GPT: variants seen among roughly 807,000 people sequenced by gnomAD.
GPT encodes the protein glutamic--pyruvic transaminase.
GPT carries 60 observed loss-of-function variants against 51.4 expected under a neutral mutation model. The ratio of observed to expected loss-of-function variants is 1.17; its 90% CI spans 0.95 to 1.45. The LOEUF (loss-of-function observed/expected upper bound fraction) is 1.45. GPT is among the 40% of genes most tolerant of loss of function. The pLI is 0.00. For missense variants in GPT, 853 were observed against 704.0 expected, an observed-to-expected ratio of 1.21 and a Z score of -2.40; for synonymous variants, 397 against 303.1, an observed-to-expected ratio of 1.31 and a Z score of -3.22.
At position 144,506,958 on chromosome 8, in the gene GPT, G is replaced by A; in HGVS notation, c.1449G>A (p.Lys483=). 8.7e-6 allele frequency: 14 copies of A among 1,612,866 alleles called. No homozygotes were observed. Among genetic ancestry groups the A allele is most frequent in the Non-Finnish European group, 1.1e-5 (13 of 1,179,980 alleles). ...PLEKLRLLLE[K]LSRFHAKFTL... ...AGAAACTGCGGCTGCTGCTGGAGAA[G>A]CTGAGCAGGTTCCATGCCAAGTTCA... The change falls in exon 11 of 11, where the codon AAG becomes AAA. Residue 483 remains lysine (K), a synonymous_variant. Coordinates refer to ENST00000394955, the MANE Select transcript of GPT (RefSeq NM_005309.3). The surrounding 1 kb of genome is among the most constrained non-coding windows in gnomAD (Gnocchi z 7.0).
chr8:144,504,170 C>T lies in GPT; in HGVS notation c.-135C>T. 1 of 919,420 alleles carries T rather than the reference C, an allele frequency of 1.1e-6. No individual in the cohort carries two copies. Among genetic ancestry groups the T allele is most frequent in the Admixed American group, 2.0e-5 (1 of 49,714 alleles). The allele number at this position is 919,420 out of a possible 1,614,324, so 57.0% of individuals were successfully genotyped here. A position where few individuals can be genotyped will look rare whatever the true frequency, so the allele number is the denominator to read the frequency against. On this transcript the variant is annotated 5_prime_UTR_variant, in exon 1 of 11. Coordinates refer to ENST00000394955, the MANE Select transcript of GPT (RefSeq NM_005309.3). ...GGCCAGCTGCGGTGAAGAGGGTGCT[C>T]TCTTGCCTGGAGTTCCCTCTGCTAC...
chr8:144,503,724 G>A (rs772512436), upstream of GPT: 13 of 153,984 alleles, frequency 8.4e-5, no homozygotes, highest in Admixed American at 3.8e-4. Context: ...AGACAGGTCC[G>A]CTGGCCCAAG....
chr8:144,504,726 C>G (rs757128853), intron 2 of GPT, 33 bp downstream of exon 2: 15 of 1,611,710 alleles, frequency 9.3e-6, no homozygotes, highest in African/African-American at 1.3e-5. Flanking sequence ...AGCACCCCCC[C>G]ACCCCCAGCC....
At chr8:144,505,694 C>T (rs1346982336) in intron 5 of GPT, among the ~76,000 whole-genome samples, 154 bp from the exon 6 acceptor site, 1 of 129,578 alleles carries the variant, frequency 7.7e-6, no homozygotes, top group Non-Finnish European at 1.6e-5. Context: ...TCCCTCCGCG[C>T]CCACGGTGCG....
chr8:144,507,113 G>GGGGGGGGGGGGGGGGGGGCC lies in GPT; in HGVS notation c.*114_*115insGGGGGGGGGGGGGGGGGCCG. 1 of 512,008 alleles carries GGGGGGGGGGGGGGGGGGGCC rather than the reference G, an allele frequency of 2.0e-6. No homozygotes were observed. The highest frequency in any genetic ancestry group is 3.8e-6 in the Non-Finnish European group (1 of 263,570). The allele number at this position is 512,008 out of a possible 1,614,324, so 31.7% of individuals were successfully genotyped here. A position where few individuals can be genotyped will look rare whatever the true frequency, so the allele number is the denominator to read the frequency against. On this transcript the variant is annotated 3_prime_UTR_variant, in exon 11 of 11. Coordinates refer to ENST00000394955, the MANE Select transcript of GPT (RefSeq NM_005309.3). Reference sequence around the variant, plus strand: ...ATGCCTGGCGGGGTGGGGTGGGGGGGGTGCTGGGCCCCTGCCTCTCTGCAG... The same window carrying GGGGGGGGGGGGGGGGGGGCC: ...ATGCCTGGCGGGGTGGGGTGGGGGGGGGGGGGGGGGGGGGGGGGCCGTGCTGGGCCCCTGCCTCTCTGCAG...
chr8:144,505,972 C>T (rs757301530), intron 6 of GPT, 23 bp from the exon 7 acceptor site: 1 of 1,612,238 alleles, frequency 6.2e-7, no homozygotes, highest in South Asian at 1.1e-5. Flanking sequence ...AGTCCGCCCC[C>T]GTGACGCCTT....
In GPT at chr8:144,506,042, C is replaced by T. The variant is rs750638175; in HGVS notation, c.867C>T (p.Phe289=). The T allele has an allele frequency of 8.7e-6, 14 of 1,612,322 alleles. No homozygotes were observed. In the South Asian group the frequency reaches 1.5e-4, roughly 18 times the overall value. The change falls in exon 7 of 11, where the codon TTC becomes TTT. Residue 289 remains phenylalanine (F), a synonymous_variant. Transcript: ENST00000394955. This position sits in a 1 kb window ranked among gnomAD's most constrained non-coding sequence, Gnocchi z 7.0. ...VYAAGSQFHS[F]KKVLMEMGPP... Reference sequence around the variant, plus strand: ...CCGCGGGTTCGCAGTTCCACTCATTCAAGAAGGTGCTCATGGAGATGGGGC... The same window carrying T: ...CCGCGGGTTCGCAGTTCCACTCATTTAAGAAGGTGCTCATGGAGATGGGGC...
chr8:144,506,675 C>A lies in GPT; in HGVS notation c.1287+19C>A, dbSNP rs748817984. ...CGCTCAGGTCAGGCGGGGGCGGGGC[C>A]TGCGGGGTGGGCAGGGGGGGCCGGG... On this transcript the variant is annotated intron_variant, in intron 9 of 10. Transcript: ENST00000394955. This position sits in a 1 kb window ranked among gnomAD's most constrained non-coding sequence, Gnocchi z 7.0. 1 of 1,100,568 alleles carries A rather than the reference C, an allele frequency of 9.1e-7. No homozygotes were observed. The highest frequency in any genetic ancestry group is 1.3e-6 in the Non-Finnish European group (1 of 786,782). 68.2% of individuals were successfully genotyped at this position (1,100,568 alleles called of 1,614,324 possible).
chr8:144,504,990 G>A lies in GPT; in HGVS notation c.362-8G>A, dbSNP rs760427070. The stretch of plus-strand genomic sequence containing the variant: ...CTGTACTTCCCATCCTGTCCTGCCC[G>A]AGTCCAGGGGCCTACAGCGTCAGCT... On this transcript the variant is annotated splice_region_variant and splice_polypyrimidine_tract_variant and intron_variant, in intron 3 of 10. Transcript: ENST00000394955. The A allele has an allele frequency of 6.2e-6, 10 of 1,612,918 alleles. No individual in the cohort carries two copies. In the East Asian group the frequency reaches 8.9e-5, roughly 14 times the overall value.
rs774169083 is a variant in GPT at position 144,505,080 on chromosome 8, T to G, written c.444T>G (p.Pro148=). The G allele has an allele frequency of 7.4e-6, 12 of 1,613,040 alleles. No homozygotes were observed. The South Asian group carries it at 1.3e-4, about 18-fold the overall frequency. Residue 148 remains proline (P), a synonymous_variant, in exon 4 of 11, where the codon CCT becomes CCG. Transcript: ENST00000394955. The part of the protein sequence containing the change: ...RYIERRDGGI[P]ADPNNVFLST... ...TTGAGAGGCGTGACGGAGGCATCCCTGCGGACCCCAACAACGTCTTCCTGT... is the reference window on the plus strand; with the variant it reads ...TTGAGAGGCGTGACGGAGGCATCCCGGCGGACCCCAACAACGTCTTCCTGT...
chr8:144,506,187 C>G lies in GPT; in HGVS notation c.957-45C>G. 1.2e-6 allele frequency: 2 copies of G among 1,601,708 alleles called. No individual in the cohort carries two copies. The highest frequency in any genetic ancestry group is 1.7e-6 in the Non-Finnish European group (2 of 1,175,270). On this transcript the variant is annotated intron_variant, in intron 7 of 10. Transcript: ENST00000394955. This position sits in a 1 kb window ranked among gnomAD's most constrained non-coding sequence, Gnocchi z 7.0. ...CGGGCCATGGCCAGGCCCTCCTCGC[C>G]CGATGGGCCACCCCCTCCTCCGCAC...
chr8:144,506,648 C>A lies in GPT; in HGVS notation c.1279C>A (p.Arg427Ser). The change falls in exon 9 of 11, where the codon CGC (arginine) becomes AGC (serine). Residue 427 changes from arginine (R) to serine (S), a missense_variant. Coordinates refer to ENST00000394955, the MANE Select transcript of GPT (RefSeq NM_005309.3). The surrounding 1 kb of genome is among the most constrained non-coding windows in gnomAD (Gnocchi z 7.0). Reference protein sequence around the residue: ...RVQLPPRAVERAQELGLAPDM... With the variant: ...RVQLPPRAVESAQELGLAPDM... ...GCAGCTGCCCCCGCGGGCGGTGGAG[C>A]GCGCTCAGGTCAGGCGGGGGCGGGG... is the stretch of plus-strand genomic sequence containing the variant. 1 of 1,539,530 alleles carries A rather than the reference C, an allele frequency of 6.5e-7. No homozygotes were observed. Among genetic ancestry groups the A allele is most frequent in the Non-Finnish European group, 8.8e-7 (1 of 1,140,128 alleles).
At position 144,505,065 on chromosome 8, in the gene GPT, T is replaced by A. The variant is rs1236370531; in HGVS notation, c.429T>A (p.Arg143=). Residue 143 remains arginine (R), a synonymous_variant, in exon 4 of 11, where the codon CGT becomes CGA. Coordinates refer to ENST00000394955, the MANE Select transcript of GPT (RefSeq NM_005309.3). ...REDVARYIER[R]DGGIPADPNN... Reference sequence around the variant, plus strand: ...ACGTGGCGCGGTACATTGAGAGGCGTGACGGAGGCATCCCTGCGGACCCCA... The same window carrying A: ...ACGTGGCGCGGTACATTGAGAGGCGAGACGGAGGCATCCCTGCGGACCCCA... The A allele has an allele frequency of 6.2e-7, 1 of 1,613,150 alleles. No individual in the cohort carries two copies. The highest frequency in any genetic ancestry group is 1.7e-5 in the Admixed American group (1 of 60,026).
chr8:144,503,390 C>A (rs1469604664), upstream of GPT, among the ~76,000 whole-genome samples: 1 of 152,168 alleles, frequency 6.6e-6, no homozygotes, highest in Admixed American at 6.5e-5. Flanking sequence ...CTCCTCCAAT[C>A]GGGAACAAGA....
chr8:144,505,257 G>A lies in GPT; in HGVS notation c.507G>A (p.Lys169=), dbSNP rs1018777294. The A allele has an allele frequency of 6.2e-7, 1 of 1,602,462 alleles. No individual in the cohort carries two copies. The highest frequency in any genetic ancestry group is 1.3e-5 in the African/African-American group (1 of 74,674). ...CTTCCTTTCCGCAGACGGTGCTGAA[G>A]CTGCTGGTGGCCGGCGAGGGCCACA... ...GASDAIVTVL[K]LLVAGEGHTR... is the part of the protein sequence containing the mutation. Residue 169 remains lysine, a synonymous_variant, in exon 5 of 11, where the codon AAG becomes AAA. Coordinates refer to ENST00000394955, the MANE Select transcript of GPT (RefSeq NM_005309.3).
At position 144,506,464 on chromosome 8, in the gene GPT, T is replaced by C. The variant is rs1358208541; in HGVS notation, c.1132-37T>C. 4 of 1,578,540 alleles carry C rather than the reference T, an allele frequency of 2.5e-6. No homozygotes were observed. The highest frequency in any genetic ancestry group is 1.7e-4 in the Middle Eastern group (1 of 6,044). On this transcript the variant is annotated intron_variant, in intron 8 of 10. Coordinates refer to ENST00000394955, the MANE Select transcript of GPT (RefSeq NM_005309.3). This position sits in a 1 kb window ranked among gnomAD's most constrained non-coding sequence, Gnocchi z 7.0. ...CTAATCAGGGGTGGGGGATGCCGAG[T>C]GCCGTGCCCTGATGGGCCCTCCCTC...
intron 5 of GPT, 69 bp downstream of exon 5, chr8:144,505,558 T>A: frequency 7.0e-6 from 6 of 857,914 alleles, no homozygotes; most frequent in Non-Finnish European, 7.8e-6. Flanking sequence ...CCCGCCCCAC[T>A]CCCCCCGCGC....
rs771687797 is a variant in GPT at position 144,504,350 on chromosome 8, C to T, written c.46C>T (p.Leu16=). 1 of 1,611,102 alleles carries T rather than the reference C, an allele frequency of 6.2e-7. No individual in the cohort carries two copies. The highest frequency in any genetic ancestry group is 8.5e-7 in the Non-Finnish European group (1 of 1,179,930). ...CCGGAGCCAGGCGGTGAGGCATGGA[C>T]TGAGGGCGAAGGTGCTGACGCTGGA... ...GDRSQAVRHG[L]RAKVLTLDGM... The change falls in exon 1 of 11, where the codon CTG becomes TTG. Residue 16 remains leucine, a synonymous_variant. Coordinates refer to ENST00000394955, the MANE Select transcript of GPT (RefSeq NM_005309.3).
rs748409747 is a variant in GPT at position 144,505,418 on chromosome 8, G to A, written c.668G>A (p.Arg223His). Reference protein sequence around the residue: ...AWALDVAELHRALGQARDHCR... With the variant: ...AWALDVAELHHALGQARDHCR... ...GCGCTGGACGTGGCCGAGCTTCACCGTGCACTGGGCCAGGCGCGTGACCAC... is the reference window on the plus strand; with the variant it reads ...GCGCTGGACGTGGCCGAGCTTCACCATGCACTGGGCCAGGCGCGTGACCAC... The change falls in exon 5 of 11, where the codon CGT becomes CAT. Residue 223 changes from arginine to histidine, a missense_variant. Coordinates refer to ENST00000394955, the MANE Select transcript of GPT (RefSeq NM_005309.3). 4 of 1,598,940 alleles carry A rather than the reference G, an allele frequency of 2.5e-6. No homozygotes were observed. The highest frequency in any genetic ancestry group is 2.7e-5 in the African/African-American group (2 of 74,812).
Sources: gnomAD v4.1 joint callset for allele counts (sites outside exome capture counted in the v4.1 genomes callset) on GRCh38, gnomAD v4.1.1 for gene constraint, Gnocchi (gnomAD v3.1) non-coding constraint, MANE v1.5 for transcripts, NCBI Gene and HGNC (gene_info 2026-07-23, HGNC 2026-07-21) for gene names.